The following ARL15 variants were observed in gnomAD, a reference collection of about 807,000 sequenced individuals.
ARL15 encodes ADP-ribosylation factor-like protein 15.
Under a neutral mutation model 25.2 loss-of-function variants are expected in ARL15, and 19 were observed. That is an observed-to-expected ratio of 0.75 (90% CI 0.53 to 1.10). The LOEUF (loss-of-function observed/expected upper bound fraction) is 1.10, where lower values mean the gene tolerates loss of function less well. Among genes scored for constraint, ARL15 ranks in the 50% least tolerant of loss-of-function variants. The pLI, the probability that ARL15 is intolerant of heterozygous loss-of-function variation, is 0.00. For synonymous variants in ARL15, 94 were observed against 86.8 expected, an observed-to-expected ratio of 1.08 and a Z score of -0.46; for missense variants, 220 against 246.0, an observed-to-expected ratio of 0.89 and a Z score of 0.71.
chr5:54,282,738 T>C (rs1758092137), intron 1 of ARL15, among the ~76,000 whole-genome samples: 1 of 152,206 alleles, frequency 6.6e-6, no homozygotes, highest in Non-Finnish European at 1.5e-5. Context: ...ATAATCCTTA[T>C]AATGGATAGA....
chr5:54,179,815 C>T (rs151082621), intron 1 of ARL15, among the ~76,000 whole-genome samples: 1,608 of 151,918 alleles, frequency 0.011, 40 homozygotes, highest in Admixed American at 0.038. Context: ...GTCAGGAGTT[C>T]GAGACCAGCC....
chr5:54,007,865 T>G (rs545555960), intron 4 of ARL15, among the ~76,000 whole-genome samples: 38 of 152,314 alleles, frequency 2.5e-4, no homozygotes, highest in African/African-American at 8.9e-4. Flanking sequence ...TTGGGGGTCT[T>G]GTCTGCCTTC....
intron 4 of ARL15, among the ~76,000 whole-genome samples, chr5:54,092,799 C>G (rs376463634): frequency 1.3e-5 from 2 of 152,230 alleles, no homozygotes; most frequent in East Asian, 1.9e-4. Flanking sequence ...TTAGGCGGAT[C>G]TTTATTCTGC....
At chr5:54,188,944 A>G (rs556309731) in intron 1 of ARL15, among the ~76,000 whole-genome samples, 2 of 152,234 alleles carry the variant, frequency 1.3e-5, no homozygotes, top group African/African-American at 4.8e-5. Flanking sequence ...TTTTTGTGCA[A>G]TCTTTAGGGT....
chr5:54,187,933 A>G (rs1222152722), intron 1 of ARL15, among the ~76,000 whole-genome samples: 1 of 152,230 alleles, frequency 6.6e-6, no homozygotes, highest in Non-Finnish European at 1.5e-5. Flanking sequence ...GTTTGTCACT[A>G]GCAGTGTAGA....
intron 4 of ARL15, among the ~76,000 whole-genome samples, chr5:54,109,403 T>C (rs1752677132): frequency 6.6e-6 from 1 of 151,994 alleles, no homozygotes. Context: ...CTAGAAAATA[T>C]AGACTGTTTC....
chr5:54,176,300 G>T (rs1332442765), intron 1 of ARL15, among the ~76,000 whole-genome samples: 2 of 152,152 alleles, frequency 1.3e-5, no homozygotes, highest in Non-Finnish European at 2.9e-5. Context: ...TGGGTAACAG[G>T]AATAGTGTCA....
At chr5:53,893,701 A>G (rs1744790080) in intron 4 of ARL15, among the ~76,000 whole-genome samples, 1 of 152,226 alleles carries the variant, frequency 6.6e-6, no homozygotes, top group Non-Finnish European at 1.5e-5. Flanking sequence ...AGGGCCCTCC[A>G]GCTTTGCTGC....
intron 4 of ARL15, among the ~76,000 whole-genome samples, chr5:54,036,302 C>CA (rs1473101634): frequency 6.6e-6 from 1 of 152,020 alleles, no homozygotes; most frequent in African/African-American, 2.4e-5. Context: ...TTTAAAATTT[C>CA]AAATAAAATT....
intron 3 of ARL15, among the ~76,000 whole-genome samples, chr5:54,141,552 GAC>G (rs1753782427): frequency 6.6e-6 from 1 of 152,114 alleles, no homozygotes; most frequent in Non-Finnish European, 1.5e-5. Context: ...TGGTATAACT[GAC>G]ACACAATAAA....
At chr5:54,059,189 T>C (rs1327654896) in intron 4 of ARL15, among the ~76,000 whole-genome samples, 2 of 152,192 alleles carry the variant, frequency 1.3e-5, no homozygotes, top group Non-Finnish European at 2.9e-5. Context: ...CTTAGCCTAA[T>C]AGAAACACAG....
At chr5:54,226,763 CT>C (rs1756528770) in intron 1 of ARL15, among the ~76,000 whole-genome samples, 1 of 152,112 alleles carries the variant, frequency 6.6e-6, no homozygotes, top group Non-Finnish European at 1.5e-5. Context: ...ACTCTTTGTT[CT>C]TCAACTCAAC....
At chr5:53,886,781 T>C in intron 4 of ARL15, 68 bp from the exon 5 acceptor site, 5 of 1,424,494 alleles carry the variant, frequency 3.5e-6, no homozygotes, top group Non-Finnish European at 4.7e-6. Context: ...ATCAAAATTC[T>C]GAGGGATAAA....
intron 4 of ARL15, among the ~76,000 whole-genome samples, chr5:54,085,899 T>C (rs10061949): frequency 0.15 from 22,726 of 150,036 alleles, 2,008 homozygotes; most frequent in African/African-American, 0.24. Flanking sequence ...GTCCCATGGC[T>C]CCAGGCACCA....
intron 4 of ARL15, among the ~76,000 whole-genome samples, chr5:53,961,882 T>C (rs552291905): frequency 2.6e-5 from 4 of 152,330 alleles, no homozygotes; most frequent in Non-Finnish European, 5.9e-5. Flanking sequence ...TTTTTGACTA[T>C]TTTATCCTGA....
At chr5:53,987,376 G>C (rs954123414) in intron 4 of ARL15, among the ~76,000 whole-genome samples, 1 of 151,772 alleles carries the variant, frequency 6.6e-6, no homozygotes, top group Non-Finnish European at 1.5e-5. Flanking sequence ...ATCTAGCCTC[G>C]TCCTTCCACA....
chr5:53,941,497 A>G (rs911229830), intron 4 of ARL15, among the ~76,000 whole-genome samples: 1 of 152,234 alleles, frequency 6.6e-6, no homozygotes, highest in African/African-American at 2.4e-5. Flanking sequence ...CTTAAGAATC[A>G]AAAAAGTTTT....
At chr5:54,064,423 T>C (rs987880439) in intron 4 of ARL15, among the ~76,000 whole-genome samples, 6 of 152,124 alleles carry the variant, frequency 3.9e-5, no homozygotes, top group African/African-American at 1.4e-4. Flanking sequence ...AAAGAGGAAA[T>C]GTGACCATCA....
intron 2 of ARL15, among the ~76,000 whole-genome samples, chr5:54,167,492 G>C (rs532540323): frequency 4.6e-5 from 7 of 152,260 alleles, no homozygotes; most frequent in Non-Finnish European, 7.4e-5. Context: ...TTCCTGGCTT[G>C]AAAATTGTTG....
Sources: gnomAD v4.1 joint callset for allele counts (sites outside exome capture counted in the v4.1 genomes callset) on GRCh38, gnomAD v4.1.1 for gene constraint, MANE v1.5 for transcripts, NCBI Gene and HGNC (gene_info 2026-07-23, HGNC 2026-07-21) for gene names.